The following CCDC178 variants were observed in gnomAD, a reference collection of about 807,000 sequenced individuals.
CCDC178 encodes coiled-coil domain-containing protein 178.
Under a neutral mutation model 117.4 loss-of-function variants are expected in CCDC178, and 126 were observed. That is an observed-to-expected ratio of 1.07 (90% CI 0.93 to 1.24). The LOEUF (loss-of-function observed/expected upper bound fraction) is 1.24. Ranked by LOEUF, CCDC178 falls within the 50% of genes most tolerant of loss-of-function variation. The pLI, the probability that CCDC178 is intolerant of heterozygous loss-of-function variation, is 0.00. For missense variants in CCDC178, 1,030 were observed against 986.9 expected (o/e 1.04, Z -0.59); for synonymous variants, 283 against 313.4 (o/e 0.90, Z 1.02).
intron 20 of CCDC178, among the ~76,000 whole-genome samples, chr18:33,148,988 G>A (rs1243670042): frequency 2.6e-5 from 4 of 152,178 alleles, no homozygotes; most frequent in Admixed American, 6.5e-5. Context: ...CCAATGCGCT[G>A]TAAACAGAAA....
chr18:32,970,510 A>G (rs977629716), intron 22 of CCDC178, among the ~76,000 whole-genome samples: 8 of 151,942 alleles, frequency 5.3e-5, no homozygotes, highest in African/African-American at 1.9e-4. Flanking sequence ...ACTTAAAGGA[A>G]TCGAGATACT....
intron 20 of CCDC178, among the ~76,000 whole-genome samples, chr18:33,117,263 C>T (rs886362047): frequency 8.5e-5 from 13 of 152,072 alleles, no homozygotes; most frequent in Non-Finnish European, 1.6e-4. Context: ...TATGAATTAG[C>T]CTCTTTTCTC....
chr18:33,212,051 T>C lies in CCDC178; in HGVS notation c.2083A>G (p.Lys695Glu). ...FDQTLEILKN[K>E]FITMRFKREH... ...CTTTTAAATCTCATAGTTATAAATT[T>C]GTTCCTGTGAAGAAAGAATTCCATG... Residue 695 changes from lysine to glutamate, a missense_variant, in exon 20 of 23, where the codon AAA becomes GAA. Coordinates refer to ENST00000383096, the MANE Select transcript of CCDC178 (RefSeq NM_001105528.4). 6.4e-7 allele frequency: 1 copy of C among 1,570,386 alleles called. No homozygotes were observed. Among genetic ancestry groups the C allele is most frequent in the South Asian group, 1.2e-5 (1 of 83,020 alleles).
chr18:33,416,247 G>A (rs921905477), intron 2 of CCDC178, among the ~76,000 whole-genome samples: 10 of 152,102 alleles, frequency 6.6e-5, no homozygotes, highest in Non-Finnish European at 2.9e-5. Context: ...CTGACACGGT[G>A]AAACCCCGTC....
chr18:33,279,753 G>C (rs2059997527), intron 12 of CCDC178, among the ~76,000 whole-genome samples: 1 of 152,064 alleles, frequency 6.6e-6, no homozygotes, highest in Non-Finnish European at 1.5e-5. Context: ...CCAAAACAGA[G>C]ATATAGATCA....
chr18:33,070,231 T>C (rs2057084910), intron 21 of CCDC178, among the ~76,000 whole-genome samples: 1 of 152,042 alleles, frequency 6.6e-6, no homozygotes, highest in Non-Finnish European at 1.5e-5. Flanking sequence ...CACCCGCATG[T>C]TTATTGCAGC....
rs1430788062 is a variant in CCDC178, at chr18:33,094,345, T to A, written c.2239-1435A>T. ...TATTAATATTTTCCTTTGGTGGAGA[T>A]TCTTTTCAAAAGATAGCTATACTAA... On this transcript the variant is annotated intron_variant, in intron 20 of 22. Coordinates refer to ENST00000383096, the MANE Select transcript of CCDC178 (RefSeq NM_001105528.4). 3.3e-5 allele frequency among the ~76,000 whole-genome samples: 5 copies of A among 152,040 alleles called. No individual in the cohort carries two copies. In the East Asian group the frequency reaches 9.6e-4, roughly 29 times the overall value.
chr18:33,224,926 T>A lies in CCDC178; in HGVS notation c.1667A>T (p.Tyr556Phe), dbSNP rs771619759. The A allele has an allele frequency of 2.7e-6, 4 of 1,480,350 alleles. No individual in the cohort carries two copies. In the South Asian group the frequency reaches 5.9e-5, roughly 22 times the overall value. The allele number at this position is 1,480,350 out of a possible 1,614,324, so 91.7% of individuals were successfully genotyped here. The change falls in exon 17 of 23, where the codon TAT (tyrosine) becomes TTT (phenylalanine). Residue 556 changes from tyrosine to phenylalanine, a missense_variant. By Grantham distance (22) the Tyr-to-Phe change is conservative. Transcript: ENST00000383096. ...AAGMVLQKKL[Y>F]SIYEVQALER... The stretch of plus-strand genomic sequence containing the variant: ...AAGTGCCTGGACTTCGTAAATGGAA[T>A]ATAGTTTTTTCTGCCAGCAAAGATT...
At chr18:33,410,018 T>C (rs997735433) in intron 3 of CCDC178, among the ~76,000 whole-genome samples, 17 of 152,354 alleles carry the variant, frequency 1.1e-4, no homozygotes, top group African/African-American at 3.4e-4. Flanking sequence ...TGTAGTTTTA[T>C]CTGCTATGTA....
At chr18:33,385,702 C>T (rs2063484455) in intron 5 of CCDC178, among the ~76,000 whole-genome samples, 2 of 152,162 alleles carry the variant, frequency 1.3e-5, no homozygotes. Context: ...CTCTGGGATA[C>T]AGCTAAAGCA....
intron 15 of CCDC178, among the ~76,000 whole-genome samples, chr18:33,242,182 T>A (rs746395886): frequency 4.0e-5 from 6 of 151,748 alleles, no homozygotes; most frequent in Non-Finnish European, 8.8e-5. Flanking sequence ...GTTTATTCAA[T>A]AAATGGTGCT....
intron 22 of CCDC178, among the ~76,000 whole-genome samples, chr18:32,960,205 G>C (rs1010592778): frequency 6.6e-6 from 1 of 152,080 alleles, no homozygotes; most frequent in Non-Finnish European, 1.5e-5. Context: ...AAGGAAAATA[G>C]GTGATCCAAG....
intron 20 of CCDC178, among the ~76,000 whole-genome samples, chr18:33,125,621 T>C (rs943183248): frequency 2.0e-5 from 3 of 152,190 alleles, no homozygotes; most frequent in Non-Finnish European, 4.4e-5. Context: ...GTACCAGTTA[T>C]CCAGAGGTTA....
At chr18:33,368,060 C>T (rs2063240133) in intron 6 of CCDC178, among the ~76,000 whole-genome samples, 1 of 151,894 alleles carries the variant, frequency 6.6e-6, no homozygotes, top group South Asian at 2.1e-4. Context: ...GGATATAAAA[C>T]AGAGGTTGAA....
rs1484157313 is a variant in CCDC178, at chr18:33,296,526, G to A, written c.1023-3214C>T. ...GATACTCCCATTGGAAGAAGCTGGA[G>A]GAAGGGTACACAGGACTCTATGTCT... On this transcript the variant is annotated intron_variant, in intron 11 of 22. Coordinates refer to ENST00000383096, the MANE Select transcript of CCDC178 (RefSeq NM_001105528.4). Among the ~76,000 whole-genome samples the A allele has an allele frequency of 3.3e-5, 5 of 152,178 alleles. No individual in the cohort carries two copies. The South Asian group carries it at 6.2e-4, about 19-fold the overall frequency.
At chr18:33,002,074 A>G (rs1439536050) in intron 21 of CCDC178, among the ~76,000 whole-genome samples, 1 of 152,184 alleles carries the variant, frequency 6.6e-6, no homozygotes, top group Non-Finnish European at 1.5e-5. Flanking sequence ...TCAACATAAT[A>G]ACAGCTGGAG....
chr18:33,137,636 A>G (rs1474210310), intron 20 of CCDC178, among the ~76,000 whole-genome samples: 1 of 152,200 alleles, frequency 6.6e-6, no homozygotes, highest in Non-Finnish European at 1.5e-5. Flanking sequence ...CCAGGCATCA[A>G]CTAATTTACT....
At chr18:33,351,487 C>T (rs1394977820) in intron 7 of CCDC178, among the ~76,000 whole-genome samples, 1 of 152,014 alleles carries the variant, frequency 6.6e-6, no homozygotes, top group East Asian at 1.9e-4. Flanking sequence ...GCCACTGTGC[C>T]CGGCCGTATA....
chr18:33,265,290 T>C (rs562961285), intron 14 of CCDC178, among the ~76,000 whole-genome samples: 4 of 152,182 alleles, frequency 2.6e-5, no homozygotes, highest in East Asian at 3.9e-4. Context: ...GAGGATTCAA[T>C]AGCAAAGGAA....
Sources: allele counts gnomAD v4.1 joint callset (sites outside exome capture counted in the v4.1 genomes callset), GRCh38; gene constraint gnomAD v4.1.1; transcripts MANE v1.5; gene names NCBI Gene and HGNC (gene_info 2026-07-23, HGNC 2026-07-21).